The following CDKN2B-AS1 variants were observed in gnomAD, a reference collection of about 807,000 sequenced individuals.
CDKN2B-AS1 encodes CDKN2B and CDKN2A antisense cis and trans regulatory RNA 1, also known as CDKN2B antisense RNA 1 (non-protein coding).
chr9:22,004,873 A>C (rs1048588535), intron 1 of CDKN2B-AS1: 18 of 233,108 alleles, frequency 7.7e-5, no homozygotes, highest in African/African-American at 3.8e-4. Flanking sequence ...CAATCAGAAA[A>C]ATTTAACAAA....
At chr9:22,093,100 G>T (rs867864807) in intron 4 of CDKN2B-AS1, among the ~76,000 whole-genome samples, 1 of 151,670 alleles carries the variant, frequency 6.6e-6, no homozygotes, top group Non-Finnish European at 1.5e-5. Flanking sequence ...TCATTCAGGA[G>T]TGGGTAGTTC....
At chr9:22,056,702 A>AT (rs1823591480) in intron 4 of CDKN2B-AS1, among the ~76,000 whole-genome samples, 1 of 151,646 alleles carries the variant, frequency 6.6e-6, no homozygotes, top group East Asian at 1.9e-4. Context: ...AGTTTTCTTA[A>AT]CCTCTCTTCT....
intron 1 of CDKN2B-AS1, among the ~76,000 whole-genome samples, chr9:22,013,686 C>T (rs1821613341): frequency 6.6e-6 from 1 of 152,148 alleles, no homozygotes; most frequent in Admixed American, 6.5e-5. Context: ...CTCCTGGGCT[C>T]ACACAATTCT....
intron 1 of CDKN2B-AS1, among the ~76,000 whole-genome samples, chr9:22,017,034 A>G (rs141393433): frequency 6.4e-4 from 97 of 152,358 alleles, no homozygotes; most frequent in African/African-American, 2.1e-3. Context: ...GTATGACAAT[A>G]TATTCCAGTT....
intron 4 of CDKN2B-AS1, among the ~76,000 whole-genome samples, chr9:22,101,454 G>T (rs550150696): frequency 7.9e-4 from 120 of 152,190 alleles, no homozygotes; most frequent in Non-Finnish European, 1.3e-3. Context: ...AATTATGGAT[G>T]TTATGTCAAT....
rs975145324 is a variant in CDKN2B-AS1 at position 21,996,259 on chromosome 9, A to C, written n.29+1098A>C. Among the ~76,000 whole-genome samples the C allele has an allele frequency of 4.6e-5, 7 of 152,174 alleles. No homozygotes were observed. The highest frequency in any genetic ancestry group is 1.7e-4 in the African/African-American group (7 of 41,444). On this transcript the variant is annotated intron_variant and non_coding_transcript_variant, in intron 1 of 4. Transcript: ENST00000650946. This position sits in a 1 kb window ranked among gnomAD's most constrained non-coding sequence, Gnocchi z 5.4. ...CCAAGACAAAACGGGGCCCTTTGGA[A>C]AAAGTGAGATTTAGCGATCACTCTT...
intron 3 of CDKN2B-AS1, among the ~76,000 whole-genome samples, chr9:22,055,190 G>A (rs1293998665): frequency 6.6e-6 from 1 of 152,158 alleles, no homozygotes; most frequent in Non-Finnish European, 1.5e-5. Flanking sequence ...ACAGTGGAAT[G>A]TTTTGATATA....
At chr9:22,012,100 A>C (rs1169875680) in intron 1 of CDKN2B-AS1, 2 of 762,736 alleles carry the variant, frequency 2.6e-6, no homozygotes, top group Non-Finnish European at 4.5e-6. Flanking sequence ...AGAAGTATGA[A>C]CAGATCTGCC....
rs146034654 is a variant in CDKN2B-AS1, at chr9:22,044,037, C to T, written n.30-2714C>T. 5.9e-5 allele frequency among the ~76,000 whole-genome samples: 9 copies of T among 151,948 alleles called. 1 individual carries two copies. Among genetic ancestry groups the T allele is most frequent in the African/African-American group, 2.2e-4 (9 of 41,486 alleles). ...GTATGTCATTTAATTTTATTTTATC[C>T]TCACAACAAATTTTAGCCATGAGTA... On this transcript the variant is annotated intron_variant and non_coding_transcript_variant, in intron 1 of 4. Coordinates refer to ENST00000650946, the Ensembl canonical transcript of CDKN2B-AS1.
Position 21,999,587 on chromosome 9 carries a change from A to T in CDKN2B-AS1, n.29+4426A>T, listed in dbSNP as rs1014108774. On this transcript the variant is annotated intron_variant and non_coding_transcript_variant, in intron 1 of 4. Coordinates refer to ENST00000650946, the Ensembl canonical transcript of CDKN2B-AS1. This position sits in a 1 kb window ranked among gnomAD's most constrained non-coding sequence, Gnocchi z 4.7. ...ACCTACAGACACATTTAGATATGTAACTTCAGCTAAAGCAATTCACTCCTA... is the reference window on the plus strand; with the variant it reads ...ACCTACAGACACATTTAGATATGTATCTTCAGCTAAAGCAATTCACTCCTA... Among the ~76,000 whole-genome samples the T allele has an allele frequency of 6.6e-6, 1 of 152,126 alleles. No homozygotes were observed. The highest frequency in any genetic ancestry group is 2.4e-5 in the African/African-American group (1 of 41,440).
intron 4 of CDKN2B-AS1, among the ~76,000 whole-genome samples, chr9:22,057,768 C>G (rs969239582): frequency 3.3e-5 from 5 of 151,448 alleles, no homozygotes; most frequent in African/African-American, 1.2e-4. Context: ...GGTAGTGCCA[C>G]TGCACTCCAG....
intron 4 of CDKN2B-AS1, among the ~76,000 whole-genome samples, chr9:22,060,249 AC>A (rs1214165807): frequency 1.3e-5 from 2 of 152,204 alleles, no homozygotes; most frequent in Admixed American, 1.3e-4. Flanking sequence ...CTTTAACAGT[AC>A]CCAAGTCACA....
chr9:22,046,298 TAATA>T (rs1329806263), intron 1 of CDKN2B-AS1: 2 of 152,148 alleles, frequency 1.3e-5, no homozygotes, highest in Non-Finnish European at 2.9e-5. Flanking sequence ...TAAATCATCA[TAATA>T]AATCACTATT....
At chr9:22,011,582 G>C (rs1351295250) in intron 1 of CDKN2B-AS1, among the ~76,000 whole-genome samples, 1 of 151,940 alleles carries the variant, frequency 6.6e-6, no homozygotes, top group Non-Finnish European at 1.5e-5. Context: ...GTTTTTTTTA[G>C]CAGCTGTCAT....
chr9:22,013,244 G>A (rs1821589243), intron 1 of CDKN2B-AS1, among the ~76,000 whole-genome samples: 1 of 152,156 alleles, frequency 6.6e-6, no homozygotes, highest in African/African-American at 2.4e-5. Context: ...GTCAAATTGT[G>A]AGGTATTGGG....
At chr9:22,027,270 A>T (rs1822278505) in intron 1 of CDKN2B-AS1, among the ~76,000 whole-genome samples, 1 of 151,700 alleles carries the variant, frequency 6.6e-6, no homozygotes, top group Non-Finnish European at 1.5e-5. Flanking sequence ...ATTTATTTAC[A>T]TTGTTAAGCT....
At chr9:22,019,177 G>A (rs1160883569) in intron 1 of CDKN2B-AS1, among the ~76,000 whole-genome samples, 1 of 152,350 alleles carries the variant, frequency 6.6e-6, no homozygotes, top group Admixed American at 6.5e-5. Flanking sequence ...TTGTAGAGCT[G>A]TATAGGCCAT....
chr9:22,088,856 C>A (rs1824958381), intron 4 of CDKN2B-AS1, among the ~76,000 whole-genome samples: 1 of 152,152 alleles, frequency 6.6e-6, no homozygotes, highest in Admixed American at 6.5e-5. Context: ...ACTCCCAGGC[C>A]TGGGTGGAGT....
chr9:22,052,983 A>C (rs1194960056), intron 3 of CDKN2B-AS1, among the ~76,000 whole-genome samples: 1 of 152,232 alleles, frequency 6.6e-6, no homozygotes, highest in African/African-American at 2.4e-5. Flanking sequence ...TAAGAAAAGG[A>C]GTTTCCAAAC....
Sources: gnomAD v4.1 joint callset for allele counts (sites outside exome capture counted in the v4.1 genomes callset) on GRCh38, gnomAD v4.1.1 for gene constraint, Gnocchi (gnomAD v3.1) non-coding constraint, MANE v1.5 for transcripts, NCBI Gene and HGNC (gene_info 2026-07-23, HGNC 2026-07-21) for gene names.